PRRC1: variants seen among roughly 807,000 people sequenced by gnomAD.
PRRC1 encodes the protein proline rich coiled-coil 1, also known as protein PRRC1.
Under a neutral mutation model 40.7 loss-of-function variants are expected in PRRC1, and 39 were observed. The observed-to-expected ratio is 0.96, with a 90% CI of 0.74 to 1.25. The LOEUF is 1.25. PRRC1 is among the 50% of genes most tolerant of loss of function. PRRC1 has a pLI of 0.00. For synonymous variants in PRRC1, 175 were observed against 193.3 expected, an observed-to-expected ratio of 0.91 and a Z score of 0.79; for missense variants, 573 against 548.3, an observed-to-expected ratio of 1.05 and a Z score of -0.45.
intron 7 of PRRC1, among the ~76,000 whole-genome samples, chr5:127,540,934 C>T (rs1388438413): frequency 6.6e-6 from 1 of 152,130 alleles, no homozygotes; most frequent in Admixed American, 6.5e-5. Flanking sequence ...TGAGAGAGGG[C>T]ATCCCTGTCC....
intron 4 of PRRC1, among the ~76,000 whole-genome samples, chr5:127,528,296 C>CT (rs1264225713): frequency 1.3e-5 from 2 of 151,844 alleles, no homozygotes; most frequent in African/African-American, 4.8e-5. Context: ...CTTTTCTTTT[C>CT]TTTTTTCTTT....
intron 7 of PRRC1, among the ~76,000 whole-genome samples, chr5:127,541,287 T>C (rs1768038713): frequency 6.6e-6 from 1 of 152,250 alleles, no homozygotes; most frequent in South Asian, 2.1e-4. Flanking sequence ...AGTATTTTAT[T>C]GAGGATTCTT....
Position 127,553,820 on chromosome 5 carries a change from A to G in PRRC1, c.*1904A>G, listed in dbSNP as rs1768455635. The G allele has an allele frequency of 1.3e-6, 2 of 1,535,754 alleles. No homozygotes were observed. The highest frequency in any genetic ancestry group is 1.7e-6 in the Non-Finnish European group (2 of 1,146,640). The stretch of plus-strand genomic sequence containing the variant: ...AGATGATTATTTTCCTAGAATCCCC[A>G]AAGAGCAGTGGCAGTCCATGGCTTG... On this transcript the variant is annotated 3_prime_UTR_variant, in exon 9 of 9. Coordinates refer to ENST00000296666, the MANE Select transcript of PRRC1 (RefSeq NM_130809.5).
intron 6 of PRRC1, 70 bp from the exon 7 acceptor site, chr5:127,538,969 GT>G (rs1767967163): frequency 1.9e-6 from 2 of 1,061,836 alleles, no homozygotes; most frequent in Non-Finnish European, 2.8e-6. Flanking sequence ...CATGTATTGT[GT>G]AATCATAAAT....
chr5:127,523,141 T>C (rs1264818737), intron 1 of PRRC1, among the ~76,000 whole-genome samples: 1 of 152,196 alleles, frequency 6.6e-6, no homozygotes. Flanking sequence ...CATGCATTCA[T>C]GTGGCAGAAA....
chr5:127,535,828 T>G (rs1425098349), intron 6 of PRRC1, among the ~76,000 whole-genome samples: 1 of 152,134 alleles, frequency 6.6e-6, no homozygotes, highest in African/African-American at 2.4e-5. Flanking sequence ...TTATAATTAG[T>G]CACTAAACAC....
chr5:127,523,850 A>C (rs1767530827), intron 2 of PRRC1: 1 of 301,626 alleles, frequency 3.3e-6, no homozygotes, highest in South Asian at 1.0e-4. Context: ...AAATATCCTA[A>C]AAAGCATGTG....
intron 7 of PRRC1, among the ~76,000 whole-genome samples, chr5:127,542,313 A>G (rs1003026420): frequency 6.6e-6 from 1 of 151,978 alleles, no homozygotes; most frequent in African/African-American, 2.4e-5. Context: ...CAATTTTGGA[A>G]TAGGTGTGGT....
rs187257513 is a variant in PRRC1, at chr5:127,554,225, G to C, written c.*2309G>C. On this transcript the variant is annotated 3_prime_UTR_variant, in exon 9 of 9. Transcript: ENST00000296666. ...GTTTCCTTCACTAATCGTCCAGCTT[G>C]AGTGTTCTGTTCTCTTCCTGCCCAT... The C allele has an allele frequency of 9.0e-4, 174 of 193,012 alleles. No homozygotes were observed. The highest frequency in any genetic ancestry group is 1.6e-3 in the Non-Finnish European group (149 of 95,120). The allele number at this position is 193,012 out of a possible 1,614,324, so 12.0% of individuals were successfully genotyped here.
In PRRC1 at chr5:127,540,771, GC is replaced by G. The variant is rs1471291623; in HGVS notation, c.1025+1631del. ...TGAGAAGTGTCTGTTCATGTCCTTC[GC>G]CCACTTTTTGATGGGGTTGTTTGTT... On this transcript the variant is annotated intron_variant, in intron 7 of 8. Coordinates refer to ENST00000296666, the MANE Select transcript of PRRC1 (RefSeq NM_130809.5). Among the ~76,000 whole-genome samples, 3 of 151,992 alleles carry G rather than the reference GC, an allele frequency of 2.0e-5. No homozygotes were observed. The East Asian group carries it at 5.8e-4, about 29-fold the overall frequency.
intron 6 of PRRC1, among the ~76,000 whole-genome samples, chr5:127,538,113 T>C (rs1252756672): frequency 6.6e-6 from 1 of 152,000 alleles, no homozygotes; most frequent in Non-Finnish European, 1.5e-5. Context: ...AATCCTATCA[T>C]CTTCATCTTT....
rs1275664262 is a variant in PRRC1, at chr5:127,554,238, TCTTCCTGCCCA to T, written c.*2323_*2333del. On this transcript the variant is annotated 3_prime_UTR_variant, in exon 9 of 9. Transcript: ENST00000296666. The stretch of plus-strand genomic sequence containing the variant: ...ATCGTCCAGCTTGAGTGTTCTGTTC[TCTTCCTGCCCA>T]TTTCCTTGAACCTCCTGCTCTAGCC... 5.7e-6 allele frequency: 1 copy of T among 175,094 alleles called. No individual in the cohort carries two copies. Among genetic ancestry groups the T allele is most frequent in the Non-Finnish European group, 1.2e-5 (1 of 83,734 alleles). The allele number at this position is 175,094 out of a possible 1,614,324, so 10.8% of individuals were successfully genotyped here. A position where few individuals can be genotyped will look rare whatever the true frequency, so the allele number is the denominator to read the frequency against.
At chr5:127,547,702 G>T (rs1768265237) in intron 7 of PRRC1, 117 bp from the exon 8 acceptor site, 2 of 560,224 alleles carry the variant, frequency 3.6e-6, no homozygotes, top group Non-Finnish European at 6.1e-6. Flanking sequence ...GTAAGAAAAA[G>T]ATTTCCTTTT....
Position 127,552,701 on chromosome 5 carries a change from G to C in PRRC1, c.*785G>C. 1 of 982,556 alleles carries C rather than the reference G, an allele frequency of 1.0e-6. No individual in the cohort carries two copies. Among genetic ancestry groups the C allele is most frequent in the Admixed American group, 6.1e-5 (1 of 16,268 alleles). 60.9% of individuals were successfully genotyped at this position (982,556 alleles called of 1,614,324 possible). A position where few individuals can be genotyped will look rare whatever the true frequency, so the allele number is the denominator to read the frequency against. On this transcript the variant is annotated 3_prime_UTR_variant, in exon 9 of 9. Coordinates refer to ENST00000296666, the MANE Select transcript of PRRC1 (RefSeq NM_130809.5). ...AATTATTTTTGTATAATACTGTTCA[G>C]TACTTCCAAGAATAAGCTCTGACAA...
At chr5:127,531,064 G>A (rs995057186) in intron 5 of PRRC1, among the ~76,000 whole-genome samples, 1 of 152,172 alleles carries the variant, frequency 6.6e-6, no homozygotes, top group Non-Finnish European at 1.5e-5. Context: ...CCTGAACAGC[G>A]ATTTCAGTGG....
intron 7 of PRRC1, among the ~76,000 whole-genome samples, chr5:127,543,607 CTTCATTTCA>C (rs1446701267): frequency 5.3e-5 from 8 of 152,144 alleles, no homozygotes; most frequent in African/African-American, 1.9e-4. Context: ...TCCCTTCTCG[CTTCATTTCA>C]TTCATTTCAT....
At position 127,539,226 on chromosome 5, in the gene PRRC1, T is replaced by TAA. The variant is rs1767974965; in HGVS notation, c.1025+83_1025+84insAA. Reference sequence around the variant, plus strand: ...TGAATACTTAGCAAAAAGTGTCTCCTGTTTTATAACCAGAGAGAAAAGTAT... The same window carrying TAA: ...TGAATACTTAGCAAAAAGTGTCTCCTAAGTTTTATAACCAGAGAGAAAAGTAT... On this transcript the variant is annotated intron_variant, in intron 7 of 8. Transcript: ENST00000296666. 4 of 974,286 alleles carry TAA rather than the reference T, an allele frequency of 4.1e-6. No homozygotes were observed. In the African/African-American group the frequency reaches 6.5e-5, roughly 16 times the overall value. The allele number at this position is 974,286 out of a possible 1,614,324, so 60.4% of individuals were successfully genotyped here.
chr5:127,540,628 G>A (rs1768017527), intron 7 of PRRC1, among the ~76,000 whole-genome samples: 2 of 151,986 alleles, frequency 1.3e-5, no homozygotes, highest in South Asian at 2.1e-4. Flanking sequence ...ATTTTTGCTG[G>A]ATGTAGAAGT....
At chr5:127,530,662 T>A (rs1767744414) in intron 5 of PRRC1, among the ~76,000 whole-genome samples, 1 of 152,150 alleles carries the variant, frequency 6.6e-6, no homozygotes, top group Non-Finnish European at 1.5e-5. Flanking sequence ...ACTTGCTGAT[T>A]TTAATTTTAA....
Sources: gnomAD v4.1 joint callset for allele counts (sites outside exome capture counted in the v4.1 genomes callset) on GRCh38, gnomAD v4.1.1 for gene constraint, MANE v1.5 for transcripts, NCBI Gene and HGNC (gene_info 2026-07-23, HGNC 2026-07-21) for gene names.